The following HSF2 variants were observed in gnomAD, a reference collection of about 807,000 sequenced individuals.
HSF2 encodes the protein heat shock factor protein 2.
HSF2 carries 21 observed loss-of-function variants against 65.0 expected under a neutral mutation model. The observed-to-expected ratio is 0.32, with a 90% CI of 0.23 to 0.47. The LOEUF is 0.47. Among genes scored for constraint, HSF2 ranks in the 20% least tolerant of loss-of-function variants. The probability of loss-of-function intolerance (pLI) is 1.00; values close to 1 mark genes in which losing one functional copy is unlikely to be tolerated. For synonymous variants in HSF2, 225 were observed against 219.1 expected (o/e 1.03, Z -0.24); for missense variants, 499 against 628.1 (o/e 0.79, Z 2.20).
chr6:122,416,102 A>G (rs1243934484), intron 4 of HSF2, 119 bp from the exon 5 acceptor site: 2 of 637,000 alleles, frequency 3.1e-6, no homozygotes, highest in Non-Finnish European at 5.5e-6. Context: ...TGGTCTCATA[A>G]ATACATATAG....
rs34023683 is a variant in HSF2, at chr6:122,431,415, AT to A, written c.1231-8del. The A allele has an allele frequency of 5.2e-6, 7 of 1,344,492 alleles. No individual in the cohort carries two copies. The East Asian group carries it at 7.5e-5, about 14-fold the overall frequency. 83.3% of individuals were successfully genotyped at this position (1,344,492 alleles called of 1,614,324 possible). A position where few individuals can be genotyped will look rare whatever the true frequency, so the allele number is the denominator to read the frequency against. ...ATATGAAACAAGTACTTATATATATATTTTTTTCTTTTAGTCTGAGAATAAA... is the reference window on the plus strand; with the variant it reads ...ATATGAAACAAGTACTTATATATATATTTTTTCTTTTAGTCTGAGAATAAA... On this transcript the variant is annotated splice_polypyrimidine_tract_variant and intron_variant, in intron 11 of 12. Coordinates refer to ENST00000368455, the MANE Select transcript of HSF2 (RefSeq NM_004506.4).
At chr6:122,424,499 T>C (rs909586596) in intron 10 of HSF2, among the ~76,000 whole-genome samples, 2 of 152,088 alleles carry the variant, frequency 1.3e-5, no homozygotes, top group Non-Finnish European at 2.9e-5. Flanking sequence ...TTCTTTCTGC[T>C]CTTCAATCTT....
intron 11 of HSF2, among the ~76,000 whole-genome samples, chr6:122,428,375 A>G (rs530875307): frequency 6.6e-6 from 1 of 152,098 alleles, no homozygotes; most frequent in Admixed American, 6.6e-5. Context: ...AAAATTCAGG[A>G]ATTCTTATTT....
At chr6:122,431,063 GAATTT>G (rs1355205492) in intron 11 of HSF2, among the ~76,000 whole-genome samples, 2 of 152,070 alleles carry the variant, frequency 1.3e-5, no homozygotes, top group Non-Finnish European at 2.9e-5. Context: ...TACTTAAAAT[GAATTT>G]AATTGCTTAG....
intron 5 of HSF2, among the ~76,000 whole-genome samples, chr6:122,417,908 A>G (rs1215484126): frequency 6.6e-6 from 1 of 152,128 alleles, no homozygotes; most frequent in Non-Finnish European, 1.5e-5. Context: ...TTGAATAAGC[A>G]ATTTAGTGTC....
chr6:122,416,073 A>G (rs1774119684), intron 4 of HSF2, 148 bp from the exon 5 acceptor site: 1 of 563,934 alleles, frequency 1.8e-6, no homozygotes, highest in African/African-American at 1.9e-5. Context: ...ATTCCTATGT[A>G]ATTGAACCAA....
intron 1 of HSF2, 65 bp downstream of exon 1, chr6:122,399,895 G>A (rs981558521): frequency 8.0e-7 from 1 of 1,255,042 alleles, no homozygotes; most frequent in Non-Finnish European, 1.2e-6. Context: ...GCTCTCCTGC[G>A]GGGTGGTCTC....
chr6:122,423,828 A>C (rs1774286926), intron 10 of HSF2, 142 bp downstream of exon 10: 3 of 484,938 alleles, frequency 6.2e-6, no homozygotes, highest in Non-Finnish European at 1.1e-5. Context: ...GTTTATCAGA[A>C]AGAATGAAAA....
Position 122,412,733 on chromosome 6 carries a change from A to G in HSF2, c.299A>G (p.Gln100Arg). Reference protein sequence around the residue: ...EFQHPYFKQGQDDLLENIKRK... With the variant: ...EFQHPYFKQGRDDLLENIKRK... ...CAGCATCCTTACTTCAAACAAGGAC[A>G]GGATGACTTGTTGGAGAACATTAAA... The change falls in exon 3 of 13, where the codon CAG becomes CGG. Residue 100 changes from glutamine to arginine, a missense_variant. By Grantham distance (43) the Gln-to-Arg change is conservative. Coordinates refer to ENST00000368455, the MANE Select transcript of HSF2 (RefSeq NM_004506.4). The G allele has an allele frequency of 1.9e-6, 3 of 1,613,062 alleles. No individual in the cohort carries two copies. In the South Asian group the frequency reaches 3.3e-5, roughly 18 times the overall value.
Position 122,399,840 on chromosome 6 carries a change from G to A in HSF2, c.93+10G>A, listed in dbSNP as rs1210179523. On this transcript the variant is annotated intron_variant, in intron 1 of 12. Transcript: ENST00000368455. ...CATCACCTGGAGCCAGGTACGGTCA[G>A]GCCACGGCGGCCTCTGAACCCCCTG... 6.2e-7 allele frequency: 1 copy of A among 1,603,850 alleles called. No homozygotes were observed. The highest frequency in any genetic ancestry group is 1.7e-5 in the Admixed American group (1 of 59,902).
intron 1 of HSF2, among the ~76,000 whole-genome samples, chr6:122,403,663 T>A (rs1773794839): frequency 6.6e-6 from 1 of 152,182 alleles, no homozygotes; most frequent in Non-Finnish European, 1.5e-5. Context: ...ATATTTCCAT[T>A]TTCTCCTTAC....
chr6:122,427,627 G>T (rs1774365885), intron 10 of HSF2, among the ~76,000 whole-genome samples: 1 of 151,972 alleles, frequency 6.6e-6, no homozygotes, highest in African/African-American at 2.4e-5. Context: ...ATGAAGAAGG[G>T]AGGAGGTGAA....
At chr6:122,412,912 T>C in intron 3 of HSF2, 148 bp downstream of exon 3, 1 of 768,360 alleles carries the variant, frequency 1.3e-6, no homozygotes, top group Non-Finnish European at 1.9e-6. Flanking sequence ...TGTTTCCCTG[T>C]ATTTTTTTCC....
intron 10 of HSF2, among the ~76,000 whole-genome samples, chr6:122,424,889 T>C (rs1245006149): frequency 1.3e-5 from 2 of 152,054 alleles, no homozygotes; most frequent in South Asian, 2.1e-4. Flanking sequence ...TTAATTCAAC[T>C]TTAAAACATT....
At chr6:122,419,314 G>C in intron 6 of HSF2, 85 bp downstream of exon 6, 1 of 624,732 alleles carries the variant, frequency 1.6e-6, no homozygotes, top group South Asian at 2.0e-5. Flanking sequence ...TACACTTGCT[G>C]AGTATGTGCT....
At chr6:122,417,120 T>C (rs1335359024) in intron 5 of HSF2, among the ~76,000 whole-genome samples, 1 of 151,758 alleles carries the variant, frequency 6.6e-6, no homozygotes, top group Non-Finnish European at 1.5e-5. Flanking sequence ...AGTTGCAGCC[T>C]GTAGCCTAGT....
intron 1 of HSF2, among the ~76,000 whole-genome samples, chr6:122,403,620 C>A (rs557116324): frequency 1.8e-4 from 28 of 152,188 alleles, no homozygotes; most frequent in Non-Finnish European, 2.8e-4. Flanking sequence ...ACAACAACAA[C>A]AAAAAACAGA....
At chr6:122,427,369 A>G (rs1351773275) in intron 10 of HSF2, among the ~76,000 whole-genome samples, 1 of 152,074 alleles carries the variant, frequency 6.6e-6, no homozygotes, top group Non-Finnish European at 1.5e-5. Context: ...CAGTGATCTT[A>G]GCACTTAAAA....
Position 122,414,408 on chromosome 6 carries a change from A to G in HSF2, c.455+759A>G, listed in dbSNP as rs12193571. 2.9e-3 allele frequency among the ~76,000 whole-genome samples: 448 copies of G among 152,306 alleles called. 2 individuals are homozygous for G. Among genetic ancestry groups the G allele is most frequent in the South Asian group, 0.016 (75 of 4,828 alleles). On this transcript the variant is annotated intron_variant, in intron 4 of 12. Coordinates refer to ENST00000368455, the MANE Select transcript of HSF2 (RefSeq NM_004506.4). Reference sequence around the variant, plus strand: ...TACTTTAGTTAATCATAACTCAAATATCTTCATTAAAAGAGGAACCTATAA... The same window carrying G: ...TACTTTAGTTAATCATAACTCAAATGTCTTCATTAAAAGAGGAACCTATAA...
Sources: allele counts gnomAD v4.1 joint callset (sites outside exome capture counted in the v4.1 genomes callset), GRCh38; gene constraint gnomAD v4.1.1; transcripts MANE v1.5; gene names NCBI Gene and HGNC (gene_info 2026-07-23, HGNC 2026-07-21).